PDE1C: variants seen among roughly 807,000 people sequenced by gnomAD.
The protein encoded by PDE1C is phosphodiesterase 1C.
Under a neutral mutation model 93.1 loss-of-function variants are expected in PDE1C, and 62 were observed. That is an observed-to-expected ratio of 0.67 (90% CI 0.54 to 0.82). PDE1C has a LOEUF of 0.82. PDE1C is among the 40% of genes least tolerant of loss of function. PDE1C has a pLI of 0.00. For missense variants in PDE1C, 742 were observed against 884.6 expected (o/e 0.84, Z 2.04); for synonymous variants, 325 against 310.1 (o/e 1.05, Z -0.50).
chr7:32,026,101 C>T (rs539215154), intron 2 of PDE1C, among the ~76,000 whole-genome samples: 2 of 152,206 alleles, frequency 1.3e-5, no homozygotes, highest in South Asian at 4.1e-4. Flanking sequence ...CACGCGTGCA[C>T]TCTCCCCAGT....
At chr7:32,070,866 C>G, upstream of PDE1C, 1 of 986,196 alleles carries the variant, frequency 1.0e-6, no homozygotes, top group South Asian at 4.7e-5. Flanking sequence ...GGAGCCGGCG[C>G]GGGCGGTGGG....
At position 31,824,962 on chromosome 7, in the gene PDE1C, G is replaced by T. The variant is rs766220881; in HGVS notation, c.1311C>A (p.Pro437=). The change falls in exon 13 of 18, where the codon CCC becomes CCA. Residue 437 remains proline (P), a synonymous_variant. Transcript: ENST00000396191. ...TCATGTCCGTAAGCACAGTGAAGGTGGGTTCCACGATGAAATCAATGAAAC... is the reference window on the plus strand; with the variant it reads ...TCATGTCCGTAAGCACAGTGAAGGTTGGTTCCACGATGAAATCAATGAAAC... ...QVGFIDFIVE[P]TFTVLTDMTE... is the part of the protein sequence containing the mutation. 1 of 1,613,102 alleles carries T rather than the reference G, an allele frequency of 6.2e-7. No individual in the cohort carries two copies. Among genetic ancestry groups the T allele is most frequent in the Non-Finnish European group, 8.5e-7 (1 of 1,179,472 alleles).
chr7:32,005,797 G>A (rs1273252607), intron 2 of PDE1C, among the ~76,000 whole-genome samples: 12 of 152,034 alleles, frequency 7.9e-5, no homozygotes, highest in Admixed American at 7.9e-4. Context: ...GTTGTTTCTG[G>A]TCTACTGCTA....
chr7:31,924,095 T>C (rs1235902048), intron 2 of PDE1C, among the ~76,000 whole-genome samples: 2 of 152,188 alleles, frequency 1.3e-5, no homozygotes, highest in African/African-American at 2.4e-5. Flanking sequence ...TTAGAGTAAC[T>C]TAACTTCAGT....
chr7:31,784,241 C>T (rs1453390618), intron 16 of PDE1C: 1 of 152,000 alleles, frequency 6.6e-6, no homozygotes, highest in African/African-American at 2.4e-5. Flanking sequence ...CTTTAGGATG[C>T]TATGTATTTA....
chr7:31,719,927 C>T, the PDE1C span, among the ~76,000 whole-genome samples: 4 of 150,970 alleles, frequency 2.6e-5, no homozygotes, highest in African/African-American at 9.9e-5. Context: ...TGTGGGGAGG[C>T]CGAGGCGGGT....
At chr7:31,621,856 A>G in the PDE1C span, among the ~76,000 whole-genome samples, 27 of 152,032 alleles carry the variant, frequency 1.8e-4, no homozygotes, top group African/African-American at 6.0e-4. Context: ...TGTATTCAGG[A>G]AACCCATCTC....
downstream of PDE1C, among the ~76,000 whole-genome samples, chr7:31,749,131 T>A (rs1379256840): frequency 6.6e-6 from 1 of 152,148 alleles, no homozygotes; most frequent in East Asian, 1.9e-4. Flanking sequence ...GCTGTGCTCA[T>A]GATAAGGCTT....
At chr7:31,714,271 C>T in the PDE1C span, among the ~76,000 whole-genome samples, 27 of 152,184 alleles carry the variant, frequency 1.8e-4, no homozygotes, top group African/African-American at 6.0e-4. Flanking sequence ...AGTCTCTTTG[C>T]TAAAACATAA....
At chr7:31,822,134 C>T (rs1789047977) in intron 14 of PDE1C, among the ~76,000 whole-genome samples, 1 of 152,028 alleles carries the variant, frequency 6.6e-6, no homozygotes, top group Non-Finnish European at 1.5e-5. Context: ...GTTTTGAGGG[C>T]AAGGATGTCT....
intron 2 of PDE1C, among the ~76,000 whole-genome samples, chr7:31,959,613 G>C (rs905268429): frequency 6.6e-6 from 1 of 152,144 alleles, no homozygotes; most frequent in South Asian, 2.1e-4. Context: ...AATTGATAGA[G>C]TTTGATTAAT....
At chr7:31,919,866 C>A (rs1583970249) in intron 2 of PDE1C, among the ~76,000 whole-genome samples, 1 of 152,282 alleles carries the variant, frequency 6.6e-6, no homozygotes, top group East Asian at 1.9e-4. Context: ...GTGCTCCCAA[C>A]CTACCCTCCA....
At chr7:32,087,778 A>T (rs1488245678) in intron 3 of PDE1C, among the ~76,000 whole-genome samples, 1 of 151,290 alleles carries the variant, frequency 6.6e-6, no homozygotes, top group Non-Finnish European at 1.5e-5. Flanking sequence ...ACATGTTCTC[A>T]CTCATAGGTG....
chr7:31,823,285 A>G, intron 13 of PDE1C, 37 bp from the exon 14 acceptor site: 2 of 1,567,308 alleles, frequency 1.3e-6, no homozygotes, highest in East Asian at 2.3e-5. Flanking sequence ...GAAGAGAGTT[A>G]GTGTTTGGAA....
At chr7:31,745,631 C>T in the PDE1C span, among the ~76,000 whole-genome samples, 1 of 151,984 alleles carries the variant, frequency 6.6e-6, no homozygotes, top group African/African-American at 2.4e-5. Context: ...CTAAGATTTC[C>T]AAAGGCAAAA....
intron 2 of PDE1C, among the ~76,000 whole-genome samples, chr7:31,918,407 T>C (rs1802197376): frequency 6.6e-6 from 1 of 152,226 alleles, no homozygotes; most frequent in Non-Finnish European, 1.5e-5. Context: ...AGGCCAGCTC[T>C]GTAACCCCAC....
At chr7:32,161,767 C>T (rs981980259) in intron 3 of PDE1C, among the ~76,000 whole-genome samples, 2 of 152,028 alleles carry the variant, frequency 1.3e-5, no homozygotes, top group African/African-American at 2.4e-5. Context: ...AAGAGTGTCC[C>T]GCTCCTCCTC....
At chr7:31,821,084 A>G (rs1788907315) in intron 14 of PDE1C, among the ~76,000 whole-genome samples, 1 of 151,834 alleles carries the variant, frequency 6.6e-6, no homozygotes, top group African/African-American at 2.4e-5. Context: ...TTCTCCCACA[A>G]GATATCCGTA....
At chr7:31,750,924 G>A (rs1407074255), downstream of PDE1C, among the ~76,000 whole-genome samples, 1 of 152,164 alleles carries the variant, frequency 6.6e-6, no homozygotes, top group African/African-American at 2.4e-5. Context: ...GATATAAACT[G>A]AGTTGATAAT....
Sources: gnomAD v4.1 joint callset for allele counts (sites outside exome capture counted in the v4.1 genomes callset) on GRCh38, gnomAD v4.1.1 for gene constraint, MANE v1.5 for transcripts, NCBI Gene and HGNC (gene_info 2026-07-23, HGNC 2026-07-21) for gene names.